The following NOX1 variants were observed in gnomAD, a reference collection of about 807,000 sequenced individuals.
NOX1 encodes NADPH oxidase 1, also known as NADH/NADPH mitogenic oxidase subunit P65-MOX.
Under a neutral mutation model 42.5 loss-of-function variants are expected in NOX1, and 34 were observed. The observed-to-expected ratio is 0.80, with a 90% CI of 0.61 to 1.07. NOX1 has a LOEUF of 1.07. Among genes scored for constraint, NOX1 ranks in the 50% least tolerant of loss-of-function variants. The pLI is 0.00. For missense variants in NOX1, 408 were observed against 427.0 expected, an observed-to-expected ratio of 0.96 and a Z score of 0.39; for synonymous variants, 143 against 152.5, an observed-to-expected ratio of 0.94 and a Z score of 0.46.
intron 12 of NOX1, 121 bp from the exon 13 acceptor site, chrX:100,844,199 C>G (rs757420359): frequency 1.6e-6 from 1 of 636,998 alleles, no homozygotes; most frequent in African/African-American, 2.3e-5. Flanking sequence ...TTTACTCCCA[C>G]GTTCTTCATG....
At chrX:100,845,003 C>T (rs1452096000) in intron 12 of NOX1, among the ~76,000 whole-genome samples, 1 of 110,953 alleles carries the variant, frequency 9.0e-6, no homozygotes, top group Non-Finnish European at 1.9e-5. Flanking sequence ...TGGGTCTCAC[C>T]GTCTTCTTCC....
intron 2 of NOX1, among the ~76,000 whole-genome samples, chrX:100,867,324 A>T: frequency 8.9e-6 from 1 of 112,492 alleles, no homozygotes; most frequent in East Asian, 2.8e-4. Context: ...CTGGCAAAAA[A>T]ATGTTTTTAA....
At chrX:100,868,715 CT>C (rs869174560) in intron 2 of NOX1, among the ~76,000 whole-genome samples, 1 of 110,482 alleles carries the variant, frequency 9.1e-6, no homozygotes, top group Non-Finnish European at 1.9e-5. Flanking sequence ...TTTTACTTTC[CT>C]TTTTTTTAAA....
intron 7 of NOX1, chrX:100,855,493 T>C: frequency 2.8e-6 from 2 of 725,320 alleles, no homozygotes; most frequent in Non-Finnish European, 4.4e-6. Context: ...CCTCCAAAAT[T>C]GCTTCCACTA....
intron 7 of NOX1, among the ~76,000 whole-genome samples, chrX:100,858,296 G>A (rs2085180735): frequency 8.9e-6 from 1 of 111,943 alleles, no homozygotes; most frequent in South Asian, 3.7e-4. Flanking sequence ...CTGTGTGTCT[G>A]TTTTTATACC....
At chrX:100,868,203 A>G (rs1029933067) in intron 2 of NOX1, among the ~76,000 whole-genome samples, 13 of 112,066 alleles carry the variant, frequency 1.2e-4, no homozygotes, top group Non-Finnish European at 2.3e-4. Context: ...CCATGAACAG[A>G]ACGTTCAAAT....
chrX:100,872,146 T>C (rs1012607756), intron 1 of NOX1, among the ~76,000 whole-genome samples: 1 of 112,193 alleles, frequency 8.9e-6, no homozygotes, highest in African/African-American at 3.2e-5. Flanking sequence ...AATCAATTTC[T>C]TCCTGCCTCC....
At chrX:100,868,106 G>A (rs1259366158) in intron 2 of NOX1, among the ~76,000 whole-genome samples, 2 of 111,892 alleles carry the variant, frequency 1.8e-5, no homozygotes, top group East Asian at 5.6e-4. Context: ...TATTTTTAAA[G>A]CAAATTAATA....
chrX:100,860,232 T>C (rs775086922), intron 7 of NOX1, among the ~76,000 whole-genome samples: 2 of 112,217 alleles, frequency 1.8e-5, no homozygotes, highest in South Asian at 3.7e-4. Context: ...TCCCCACTGA[T>C]GGACACTTGT....
chrX:100,855,010 T>G (rs1443201068), intron 7 of NOX1, among the ~76,000 whole-genome samples: 1 of 111,491 alleles, frequency 9.0e-6, no homozygotes, highest in Non-Finnish European at 1.9e-5. Flanking sequence ...ATAGCAATTT[T>G]TTGCATGGGT....
At chrX:100,854,979 G>A (rs893514480) in intron 7 of NOX1, among the ~76,000 whole-genome samples, 45 of 110,006 alleles carry the variant, frequency 4.1e-4, no homozygotes, top group Non-Finnish European at 7.2e-4. Flanking sequence ...TTTATTCAGT[G>A]TCATGATCAG....
At chrX:100,846,076 A>T (rs1434009690) in intron 12 of NOX1, among the ~76,000 whole-genome samples, 1 of 110,685 alleles carries the variant, frequency 9.0e-6, no homozygotes, top group Non-Finnish European at 1.9e-5. Context: ...ATGAGCCACC[A>T]CGCCCGGCCT....
At chrX:100,869,549 A>C (rs777125755) in intron 2 of NOX1, among the ~76,000 whole-genome samples, 1 of 110,724 alleles carries the variant, frequency 9.0e-6, no homozygotes, top group South Asian at 3.9e-4. Context: ...TATTAGCTTA[A>C]GGAGATTTTG....
chrX:100,870,743 G>C lies in NOX1; in HGVS notation c.117C>G (p.Tyr39Ter). Residue 39 changes from tyrosine (Y) to a stop codon, truncating the protein, a stop_gained, in exon 2 of 13, where the codon TAC becomes TAG. Coordinates refer to ENST00000372966, the MANE Select transcript of NOX1 (RefSeq NM_007052.5). LOFTEE classifies it high-confidence loss of function. Reference protein sequence around the residue: ...AFLKYEKADKYYYTRKILGST... With the variant: ...AFLKYEKADK ...CCCCAAGGATTTTTCTTGTGTAGTA[G>C]TATTTGTCGGCCTTCTCATATTTCA... 1 of 1,186,999 alleles carries C rather than the reference G, an allele frequency of 8.4e-7. No homozygotes were observed. The highest frequency in any genetic ancestry group is 1.1e-6 in the Non-Finnish European group (1 of 874,197).
At chrX:100,853,322 C>CTCTTTCTTTCTT (rs2085138419) in intron 7 of NOX1, among the ~76,000 whole-genome samples, 1 of 22,796 alleles carries the variant, frequency 4.4e-5, no homozygotes, top group African/African-American at 2.1e-4. Context: ...TTCTTTCTTT[C>CTCTTTCTTTCTT]TCTCTCTTTC....
intron 2 of NOX1, among the ~76,000 whole-genome samples, chrX:100,867,299 C>A (rs1194364550): frequency 8.9e-6 from 1 of 112,144 alleles, no homozygotes; most frequent in African/African-American, 3.2e-5. Flanking sequence ...GGATTACAGG[C>A]GTGAGCCACA....
At chrX:100,854,082 G>T (rs1296273729) in intron 7 of NOX1, among the ~76,000 whole-genome samples, 1 of 111,198 alleles carries the variant, frequency 9.0e-6, no homozygotes, top group Non-Finnish European at 1.9e-5. Flanking sequence ...GGCAGAGGTT[G>T]CAGTGAGACA....
At chrX:100,852,549 GA>G (rs2085122263) in intron 7 of NOX1, among the ~76,000 whole-genome samples, 1 of 112,249 alleles carries the variant, frequency 8.9e-6, no homozygotes, top group African/African-American at 3.2e-5. Context: ...ACCTGCACAG[GA>G]ACTACTAAAA....
chrX:100,871,847 C>G (rs2085276794), intron 1 of NOX1, among the ~76,000 whole-genome samples: 1 of 112,022 alleles, frequency 8.9e-6, no homozygotes, highest in Non-Finnish European at 1.9e-5. Context: ...CTAGACCACT[C>G]ACACACCTTT....
Sources: allele counts gnomAD v4.1 joint callset (sites outside exome capture counted in the v4.1 genomes callset), GRCh38; gene constraint gnomAD v4.1.1; transcripts MANE v1.5; gene names NCBI Gene and HGNC (gene_info 2026-07-23, HGNC 2026-07-21).